The following TMPRSS15 variants were observed in gnomAD, a reference collection of about 807,000 sequenced individuals.
TMPRSS15 encodes the protein transmembrane serine protease 15, also known as enteropeptidase.
Under a neutral mutation model 125.3 loss-of-function variants are expected in TMPRSS15, and 128 were observed. The ratio of observed to expected loss-of-function variants is 1.02; its 90% CI spans 0.89 to 1.18. The LOEUF is 1.18. Among genes scored for constraint, TMPRSS15 ranks in the 50% most tolerant of loss-of-function variants. The probability of loss-of-function intolerance (pLI) is 0.00; values close to 1 mark genes in which losing one functional copy is unlikely to be tolerated. For missense variants in TMPRSS15, 1,283 were observed against 1,212.7 expected (o/e 1.06, Z -0.86); for synonymous variants, 446 against 423.2 (o/e 1.05, Z -0.66).
Position 18,403,387 on chromosome 21 carries a change from C to A in TMPRSS15, c.145+91G>T, listed in dbSNP as rs7282891. 2.5e-3 allele frequency: 3,802 copies of A among 1,540,760 alleles called. 83 individuals are homozygous for A. In the African/African-American group the frequency reaches 0.045, roughly 18 times the overall value. On this transcript the variant is annotated intron_variant, in intron 1 of 24. Transcript: ENST00000284885. The stretch of plus-strand genomic sequence containing the variant: ...AGCCCAAAATAATGCATTTAGTTGG[C>A]AATGAATAAAATAGACTTACAGAAT...
intron 1 of TMPRSS15, among the ~76,000 whole-genome samples, chr21:18,463,607 C>T (rs1042187952): frequency 2.0e-5 from 3 of 152,090 alleles, no homozygotes; most frequent in Non-Finnish European, 4.4e-5. Context: ...ACCTAATAGA[C>T]ATCTACAGAA....
At chr21:18,338,474 C>CA (rs1174593466) in intron 13 of TMPRSS15, among the ~76,000 whole-genome samples, 1 of 151,840 alleles carries the variant, frequency 6.6e-6, no homozygotes, top group Non-Finnish European at 1.5e-5. Flanking sequence ...GTTGTTCTTG[C>CA]AAAAAAACTC....
chr21:18,461,350 C>T (rs1978547758), intron 1 of TMPRSS15, among the ~76,000 whole-genome samples: 1 of 152,156 alleles, frequency 6.6e-6, no homozygotes, highest in South Asian at 2.1e-4. Flanking sequence ...CTTCCATTCT[C>T]CTTGACTGTA....
At chr21:18,410,598 GA>G (rs34173013) in intron 1 of TMPRSS15, among the ~76,000 whole-genome samples, 48,367 of 145,618 alleles carry the variant, frequency 0.33, 9,479 homozygotes, top group Middle Eastern at 0.53. Flanking sequence ...ATGAATAATA[GA>G]AAAAAAAAAA....
intron 1 of TMPRSS15, among the ~76,000 whole-genome samples, chr21:18,481,615 G>A (rs1978983429): frequency 6.6e-6 from 1 of 151,568 alleles, no homozygotes; most frequent in African/African-American, 2.4e-5. Context: ...TTTTTATCTT[G>A]AGATAAACAA....
intron 1 of TMPRSS15, among the ~76,000 whole-genome samples, chr21:18,399,031 C>A (rs2076069556): frequency 6.6e-6 from 1 of 152,070 alleles, no homozygotes; most frequent in Non-Finnish European, 1.5e-5. Flanking sequence ...TTAAGTCCTA[C>A]ATAATCCCTT....
chr21:18,449,330 T>C lies in TMPRSS15; in HGVS notation c.10+36469A>G, dbSNP rs182594553. Among the ~76,000 whole-genome samples, 8 of 152,260 alleles carry C rather than the reference T, an allele frequency of 5.3e-5. No individual in the cohort carries two copies. In the East Asian group the frequency reaches 1.3e-3, roughly 26 times the overall value. On this transcript the variant is annotated intron_variant, in intron 1 of 7. Coordinates refer to the TMPRSS15 transcript ENST00000422787. ...AGATGGTGATCTTAAGTTTATTTCA[T>C]AGATAGAGAGGAACCCAGAGTTGAA...
chr21:18,406,175 A>G (rs909845560), upstream of TMPRSS15, among the ~76,000 whole-genome samples: 4 of 152,192 alleles, frequency 2.6e-5, no homozygotes, highest in African/African-American at 9.6e-5. Flanking sequence ...AGTTACCATC[A>G]TAGGCATCTG....
At chr21:18,274,148 A>G (rs939851935) in intron 24 of TMPRSS15, among the ~76,000 whole-genome samples, 9 of 152,192 alleles carry the variant, frequency 5.9e-5, no homozygotes, top group Non-Finnish European at 1.2e-4. Context: ...CAAATATAGA[A>G]AATATGCCAG....
At chr21:18,290,165 A>AG (rs2074816519) in intron 21 of TMPRSS15, among the ~76,000 whole-genome samples, 1 of 152,216 alleles carries the variant, frequency 6.6e-6, no homozygotes, top group African/African-American at 2.4e-5. Context: ...AAAATACAGA[A>AG]GACAAGGTTA....
intron 16 of TMPRSS15, among the ~76,000 whole-genome samples, chr21:18,325,044 T>C (rs1197804260): frequency 6.6e-6 from 1 of 152,028 alleles, no homozygotes; most frequent in Non-Finnish European, 1.5e-5. Flanking sequence ...AAAGCAATGA[T>C]CAAATTTTCT....
chr21:18,368,465 T>C (rs559113777), intron 6 of TMPRSS15, among the ~76,000 whole-genome samples: 2 of 152,342 alleles, frequency 1.3e-5, no homozygotes, highest in Non-Finnish European at 2.9e-5. Context: ...AACATATCTG[T>C]AACATTCTTC....
At chr21:18,285,811 G>A (rs2074755963) in intron 21 of TMPRSS15, among the ~76,000 whole-genome samples, 1 of 152,174 alleles carries the variant, frequency 6.6e-6, no homozygotes, top group Admixed American at 6.5e-5. Context: ...TGTCTGCAAT[G>A]AAACTCAAAA....
chr21:18,364,844 CATGT>C (rs1189390753), intron 7 of TMPRSS15, among the ~76,000 whole-genome samples: 1 of 152,124 alleles, frequency 6.6e-6, no homozygotes. Context: ...CACAGACATA[CATGT>C]ATGTTGTTTG....
At chr21:18,302,366 T>C (rs1297955080) in intron 18 of TMPRSS15, among the ~76,000 whole-genome samples, 2 of 152,110 alleles carry the variant, frequency 1.3e-5, no homozygotes, top group African/African-American at 4.8e-5. Flanking sequence ...AGAGATTCGA[T>C]GGCAAATCAT....
At chr21:18,365,785 G>A (rs1474249644) in intron 6 of TMPRSS15, among the ~76,000 whole-genome samples, 2 of 131,488 alleles carry the variant, frequency 1.5e-5, no homozygotes, top group South Asian at 4.8e-4. Flanking sequence ...CTCTTGTTGC[G>A]TGTGCTGGAA....
intron 1 of TMPRSS15, among the ~76,000 whole-genome samples, chr21:18,418,879 C>G (rs1209946758): frequency 1.3e-5 from 2 of 152,176 alleles, no homozygotes; most frequent in Non-Finnish European, 2.9e-5. Context: ...GGAGTTCATA[C>G]TATTTGCAAT....
chr21:18,444,708 C>T (rs1275940049), intron 1 of TMPRSS15, among the ~76,000 whole-genome samples: 1 of 152,092 alleles, frequency 6.6e-6, no homozygotes, highest in African/African-American at 2.4e-5. Flanking sequence ...TGAGAACATT[C>T]AAAACTTTCT....
intron 1 of TMPRSS15, among the ~76,000 whole-genome samples, chr21:18,400,112 G>T (rs1473541158): frequency 6.6e-6 from 1 of 152,074 alleles, no homozygotes; most frequent in African/African-American, 2.4e-5. Flanking sequence ...CATGCTAATG[G>T]ATTGGAAGAA....
Sources: allele counts gnomAD v4.1 joint callset (sites outside exome capture counted in the v4.1 genomes callset), GRCh38; gene constraint gnomAD v4.1.1; transcripts MANE v1.5; gene names NCBI Gene and HGNC (gene_info 2026-07-23, HGNC 2026-07-21).